NDUFA13: variants seen among roughly 807,000 people sequenced by gnomAD.
NDUFA13 encodes NADH:ubiquinone oxidoreductase subunit A13, also known as NADH dehydrogenase [ubiquinone] 1 alpha subcomplex subunit 13.
In NDUFA13, 16 loss-of-function variants were observed where a neutral mutation model predicts 17.0. The observed-to-expected ratio is 0.94, with a 90% CI of 0.64 to 1.43. The LOEUF (loss-of-function observed/expected upper bound fraction) is 1.43, where lower values mean the gene tolerates loss of function less well. NDUFA13 is among the 40% of genes most tolerant of loss of function. The pLI is 0.00. For synonymous variants in NDUFA13, 87 were observed against 78.4 expected, an observed-to-expected ratio of 1.11 and a Z score of -0.58; for missense variants, 228 against 206.7, an observed-to-expected ratio of 1.10 and a Z score of -0.63.
At chr19:19,519,860 C>T (rs1393638920) in intron 1 of NDUFA13, among the ~76,000 whole-genome samples, 1 of 152,230 alleles carries the variant, frequency 6.6e-6, no homozygotes, top group Admixed American at 6.5e-5. Flanking sequence ...CTGTCCAAGG[C>T]CTGGTGGCCC....
chr19:19,528,154 C>A lies in NDUFA13; in HGVS notation c.*28C>A. ...CCTGTGCCCTCCGGCCACCTGGATCCCTGCCCCTCCCCACTGGGACGGAAT... is the reference window on the plus strand; with the variant it reads ...CCTGTGCCCTCCGGCCACCTGGATCACTGCCCCTCCCCACTGGGACGGAAT... On this transcript the variant is annotated 3_prime_UTR_variant, in exon 5 of 5. Transcript: ENST00000507754. 2.5e-6 allele frequency: 4 copies of A among 1,610,328 alleles called. No homozygotes were observed. The highest frequency in any genetic ancestry group is 1.1e-5 in the South Asian group (1 of 90,894).
chr19:19,526,163 G>C lies in NDUFA13; in HGVS notation c.95-19G>C. 1 of 1,612,880 alleles carries C rather than the reference G, an allele frequency of 6.2e-7. No homozygotes were observed. The highest frequency in any genetic ancestry group is 8.5e-7 in the Non-Finnish European group (1 of 1,179,670). On this transcript the variant is annotated intron_variant, in intron 1 of 4. Coordinates refer to ENST00000507754, the MANE Select transcript of NDUFA13 (RefSeq NM_015965.7). Reference sequence around the variant, plus strand: ...GTCTGGGGGCGGGCTGGCCCGCTGAGCAGCGCCTCTCTTCACAGGCTACAG... The same window carrying C: ...GTCTGGGGGCGGGCTGGCCCGCTGACCAGCGCCTCTCTTCACAGGCTACAG...
chr19:19,527,683 T>A lies in NDUFA13; in HGVS notation c.246-18T>A, dbSNP rs2144647522. 16 of 1,492,084 alleles carry A rather than the reference T, an allele frequency of 1.1e-5. No homozygotes were observed. Among genetic ancestry groups the A allele is most frequent in the Non-Finnish European group, 1.5e-5 (16 of 1,092,916 alleles). 92.4% of individuals were successfully genotyped at this position (1,492,084 alleles called of 1,614,324 possible). A position where few individuals can be genotyped will look rare whatever the true frequency, so the allele number is the denominator to read the frequency against. On this transcript the variant is annotated intron_variant, in intron 3 of 4. Transcript: ENST00000507754. The stretch of plus-strand genomic sequence containing the variant: ...GGGCACTGAGGCCCCACCCCCACCA[T>A]CGGCCCCATCCCCACAGGACCTTGC...
chr19:19,517,941 C>T (rs1415439584), intron 1 of NDUFA13, among the ~76,000 whole-genome samples: 1 of 152,160 alleles, frequency 6.6e-6, no homozygotes, highest in African/African-American at 2.4e-5. Context: ...ACTGAGACAA[C>T]CATTTACAAA....
At chr19:19,520,927 C>G (rs369821117) in intron 1 of NDUFA13, among the ~76,000 whole-genome samples, 1 of 152,278 alleles carries the variant, frequency 6.6e-6, no homozygotes, top group South Asian at 2.1e-4. Flanking sequence ...TTGATGGGCA[C>G]TTGGGTCATC....
At position 19,527,432 on chromosome 19, in the gene NDUFA13, G is replaced by T. The variant is rs1600351026; in HGVS notation, c.245+80G>T. 18 of 1,544,990 alleles carry T rather than the reference G, an allele frequency of 1.2e-5. No homozygotes were observed. The East Asian group carries it at 3.6e-4, about 31-fold the overall frequency. Reference sequence around the variant, plus strand: ...CAGGGCCTGACCTGCATCCCCGAAGGTGGCCAGAATGCACGTGGGGGCCAT... The same window carrying T: ...CAGGGCCTGACCTGCATCCCCGAAGTTGGCCAGAATGCACGTGGGGGCCAT... On this transcript the variant is annotated intron_variant, in intron 3 of 4. Coordinates refer to ENST00000507754, the MANE Select transcript of NDUFA13 (RefSeq NM_015965.7).
chr19:19,527,068 G>T (rs978435711), intron 2 of NDUFA13, among the ~76,000 whole-genome samples: 22 of 152,338 alleles, frequency 1.4e-4, no homozygotes, highest in Non-Finnish European at 2.8e-4. Context: ...GCAGTCACCC[G>T]TGCAGCTGCC....
chr19:19,527,595 G>C, intron 3 of NDUFA13, 106 bp from the exon 4 acceptor site: 1 of 1,027,364 alleles, frequency 9.7e-7, no homozygotes, highest in South Asian at 1.4e-5. Flanking sequence ...TGGGGGAAAA[G>C]GAGACAGGGT....
At chr19:19,518,019 G>A (rs1339300757) in intron 1 of NDUFA13, among the ~76,000 whole-genome samples, 3 of 151,138 alleles carry the variant, frequency 2.0e-5, no homozygotes, top group African/African-American at 7.3e-5. Flanking sequence ...GCTCATGCCT[G>A]TAATCCCCAC....
At chr19:19,522,602 C>T (rs2061083233) in intron 1 of NDUFA13, among the ~76,000 whole-genome samples, 1 of 150,530 alleles carries the variant, frequency 6.6e-6, no homozygotes, top group Non-Finnish European at 1.5e-5. Context: ...CCTCAGCCTC[C>T]TGAGTAGCGG....
At chr19:19,525,974 C>T in intron 1 of NDUFA13, 1 of 1,419,288 alleles carries the variant, frequency 7.0e-7, no homozygotes, top group Non-Finnish European at 9.2e-7. Context: ...TAGCAACCAC[C>T]ATCTAGACCC....
At chr19:19,520,140 G>A (rs1299322659) in intron 1 of NDUFA13, among the ~76,000 whole-genome samples, 3 of 151,916 alleles carry the variant, frequency 2.0e-5, no homozygotes, top group Admixed American at 1.3e-4. Context: ...CACTGCGCCC[G>A]GCTGGCTCAG....
intron 2 of NDUFA13, chr19:19,526,541 A>C (rs2061100477): frequency 3.7e-5 from 18 of 485,718 alleles, no homozygotes; most frequent in South Asian, 3.6e-4. Context: ...AACAGAGGGA[A>C]ACCCTGTCCT....
intron 1 of NDUFA13, among the ~76,000 whole-genome samples, chr19:19,524,114 CAAA>C (rs2061090322): frequency 6.6e-6 from 1 of 152,006 alleles, no homozygotes; most frequent in African/African-American, 2.4e-5. Flanking sequence ...GCCCGGTCTC[CAAA>C]ACCAAAAACA....
chr19:19,522,234 G>A (rs534179483), intron 1 of NDUFA13, among the ~76,000 whole-genome samples: 96 of 151,966 alleles, frequency 6.3e-4, no homozygotes, highest in African/African-American at 2.1e-3. Flanking sequence ...GAACCCGGGA[G>A]GCGGAGCTTG....
intron 2 of NDUFA13, 98 bp downstream of exon 2, chr19:19,526,358 G>C (rs912044163): frequency 7.4e-7 from 1 of 1,343,132 alleles, no homozygotes; most frequent in South Asian, 1.2e-5. Context: ...AGGGGTGAAC[G>C]GGCCCCTTGG....
At chr19:19,527,533 T>A in intron 3 of NDUFA13, 168 bp from the exon 4 acceptor site, 1 of 945,146 alleles carries the variant, frequency 1.1e-6, no homozygotes, top group South Asian at 1.4e-5. Context: ...GAAGGCTTCC[T>A]GGAGGAGGAG....
chr19:19,527,642 A>C, intron 3 of NDUFA13, 59 bp from the exon 4 acceptor site: 1 of 1,372,978 alleles, frequency 7.3e-7, no homozygotes, highest in Non-Finnish European at 1.0e-6. Context: ...TAGGGGCCCT[A>C]GGCAGGGGCC....
chr19:19,519,032 C>G (rs1314219428), intron 1 of NDUFA13, among the ~76,000 whole-genome samples: 1 of 145,644 alleles, frequency 6.9e-6, no homozygotes, highest in Non-Finnish European at 1.5e-5. Context: ...GTGTGAGCCA[C>G]TGGGCCCGGC....
Sources: gnomAD v4.1 joint callset for allele counts (sites outside exome capture counted in the v4.1 genomes callset) on GRCh38, gnomAD v4.1.1 for gene constraint, MANE v1.5 for transcripts, NCBI Gene and HGNC (gene_info 2026-07-23, HGNC 2026-07-21) for gene names.